Variants in RYK observed in about 807,000 individuals in gnomAD.
RYK encodes receptor like tyrosine kinase.
RYK carries 21 observed loss-of-function variants against 70.2 expected under a neutral mutation model. That is an observed-to-expected ratio of 0.30 (90% confidence interval 0.21 to 0.43). The LOEUF is 0.43. RYK is among the 20% of genes least tolerant of loss of function. The pLI is 1.00. For synonymous variants in RYK, 267 were observed against 278.0 expected (o/e 0.96, Z 0.39); for missense variants, 604 against 753.3 (o/e 0.80, Z 2.32).
chr3:134,201,800 C>T (rs980859014), intron 6 of RYK, among the ~76,000 whole-genome samples: 1 of 152,174 alleles, frequency 6.6e-6, no homozygotes, highest in African/African-American at 2.4e-5. Context: ...ATGGATGATA[C>T]GTCTCCACAT....
chr3:134,161,879 G>A (rs1408760744), intron 13 of RYK, among the ~76,000 whole-genome samples: 3 of 152,146 alleles, frequency 2.0e-5, no homozygotes, highest in East Asian at 1.9e-4. Context: ...TACCACAAAC[G>A]AGTAGTTTAA....
Position 134,250,748 on chromosome 3 carries a change from G to A in RYK, c.-94C>T. The A allele has an allele frequency of 1.7e-6, 1 of 586,450 alleles. No homozygotes were observed. The highest frequency in any genetic ancestry group is 2.1e-6 in the Non-Finnish European group (1 of 466,484). The allele number at this position is 586,450 out of a possible 1,614,324, so 36.3% of individuals were successfully genotyped here. On this transcript the variant is annotated 5_prime_UTR_variant, in exon 1 of 15. Coordinates refer to ENST00000623711, the MANE Select transcript of RYK (RefSeq NM_002958.4). The stretch of plus-strand genomic sequence containing the variant: ...AGCCGCTCACAGCCCCGAGCCGGGG[G>A]CGGCTGCCCAGCTCATCGCACCGCC...
intron 1 of RYK, among the ~76,000 whole-genome samples, chr3:134,232,263 GTTTCC>G (rs2015075176): frequency 6.6e-6 from 1 of 151,972 alleles, no homozygotes; most frequent in South Asian, 2.1e-4. Flanking sequence ...ACCAGTGGAG[GTTTCC>G]ACTTTCACCC....
At chr3:134,203,644 A>C (rs182607557) in intron 5 of RYK, among the ~76,000 whole-genome samples, 1 of 152,216 alleles carries the variant, frequency 6.6e-6, no homozygotes, top group Non-Finnish European at 1.5e-5. Context: ...ATTAAAAAAA[A>C]GAAAGAAAAA....
chr3:134,197,792 T>C (rs577658278), intron 6 of RYK, among the ~76,000 whole-genome samples: 1 of 152,354 alleles, frequency 6.6e-6, no homozygotes, highest in Non-Finnish European at 1.5e-5. Context: ...TCTTAAGTAT[T>C]ATCTGCAACC....
At chr3:134,249,675 T>C (rs1553713468) in intron 1 of RYK, among the ~76,000 whole-genome samples, 1 of 152,110 alleles carries the variant, frequency 6.6e-6, no homozygotes, top group Non-Finnish European at 1.5e-5. Context: ...GACTAAGTTC[T>C]TGTTTCCCTT....
At position 134,158,054 on chromosome 3, in the gene RYK, G is replaced by A. The variant is rs1426402981; in HGVS notation, c.*99C>T. On this transcript the variant is annotated 3_prime_UTR_variant, in exon 15 of 15. Coordinates refer to ENST00000623711, the MANE Select transcript of RYK (RefSeq NM_002958.4). The stretch of plus-strand genomic sequence containing the variant: ...GCACGGTGTTCTGGAAGACAAATGT[G>A]CTTCTGTTGGCGTTGTGTTAGATAC... 5 of 490,274 alleles carry A rather than the reference G, an allele frequency of 1.0e-5. No individual in the cohort carries two copies. Among genetic ancestry groups the A allele is most frequent in the Non-Finnish European group, 1.7e-5 (5 of 296,686 alleles). 30.4% of individuals were successfully genotyped at this position (490,274 alleles called of 1,614,324 possible). A position where few individuals can be genotyped will look rare whatever the true frequency, so the allele number is the denominator to read the frequency against.
At chr3:134,192,001 G>A (rs753441191) in intron 7 of RYK, 27 bp from the exon 8 acceptor site, 15 of 1,610,394 alleles carry the variant, frequency 9.3e-6, no homozygotes, top group Non-Finnish European at 1.3e-5. Flanking sequence ...GCCAAACCAA[G>A]CAATATAAAT....
chr3:134,227,405 GA>G (rs929146349), intron 1 of RYK, among the ~76,000 whole-genome samples: 1 of 151,488 alleles, frequency 6.6e-6, no homozygotes, highest in African/African-American at 2.4e-5. Flanking sequence ...AGATTTTTTT[GA>G]AAAAATAAAT....
Position 134,250,693 on chromosome 3 carries a change from C to G in RYK, c.-39G>C. 1.1e-6 allele frequency: 1 copy of G among 942,228 alleles called. No individual in the cohort carries two copies. The highest frequency in any genetic ancestry group is 1.3e-6 in the Non-Finnish European group (1 of 792,398). The allele number at this position is 942,228 out of a possible 1,614,324, so 58.4% of individuals were successfully genotyped here. A position where few individuals can be genotyped will look rare whatever the true frequency, so the allele number is the denominator to read the frequency against. The stretch of plus-strand genomic sequence containing the variant: ...GCCGCCGAAGAGGAGCGTCGGCCGC[C>G]CGCCGCACCGCCGCCCACCCCCGGC... On this transcript the variant is annotated 5_prime_UTR_variant, in exon 1 of 15. Coordinates refer to ENST00000623711, the MANE Select transcript of RYK (RefSeq NM_002958.4).
intron 6 of RYK, among the ~76,000 whole-genome samples, chr3:134,195,945 CA>C (rs146683719): frequency 0.23 from 32,371 of 142,260 alleles, 4,638 homozygotes; most frequent in Non-Finnish European, 0.34. Context: ...CAGTCCATCT[CA>C]AAAAAAAAAA....
intron 6 of RYK, among the ~76,000 whole-genome samples, chr3:134,197,484 A>C (rs2013852257): frequency 6.6e-6 from 1 of 152,224 alleles, no homozygotes; most frequent in South Asian, 2.1e-4. Flanking sequence ...GCCCTCAAAC[A>C]TATCTTTATA....
intron 2 of RYK, among the ~76,000 whole-genome samples, chr3:134,220,589 T>C (rs181224983): frequency 1.3e-3 from 204 of 152,302 alleles, no homozygotes; most frequent in Admixed American, 4.8e-3. Context: ...AGCAGTAATT[T>C]ACTATTCAGA....
chr3:134,221,110 G>GA (rs1410625372), intron 2 of RYK, among the ~76,000 whole-genome samples: 1 of 148,534 alleles, frequency 6.7e-6, no homozygotes, highest in Non-Finnish European at 1.5e-5. Flanking sequence ...TTTAAAAAGG[G>GA]AAAAAAGGGG....
Position 134,195,098 on chromosome 3 carries a change from A to G in RYK, c.873T>C (p.Asn291=), listed in dbSNP as rs1452376135. Residue 291 remains asparagine (N), a synonymous_variant, in exon 7 of 15, where the codon AAT becomes AAC. Coordinates refer to ENST00000623711, the MANE Select transcript of RYK (RefSeq NM_002958.4). Reference sequence around the variant, plus strand: ...AACTCTTACTGGTGATAGGAGTTGCATTGTTGGGCGTGTCTGCTCTCAGAT... The same window carrying G: ...AACTCTTACTGGTGATAGGAGTTGCGTTGTTGGGCGTGTCTGCTCTCAGAT... ...TQYLRADTPN[N]ATPITSYPTL... 3 of 1,612,606 alleles carry G rather than the reference A, an allele frequency of 1.9e-6. No homozygotes were observed. Among genetic ancestry groups the G allele is most frequent in the Non-Finnish European group, 2.5e-6 (3 of 1,178,802 alleles).
intron 1 of RYK, among the ~76,000 whole-genome samples, chr3:134,249,917 G>GTTTT (rs71624038): frequency 0.01 from 942 of 93,242 alleles, 146 homozygotes; most frequent in African/African-American, 0.032. Context: ...TTTCTCTCTC[G>GTTTT]TTTTTTTTTT....
Position 134,230,824 on chromosome 3 carries a change from G to A in RYK, c.233-8285C>T, listed in dbSNP as rs1000715569. ...TTAAAATCTGTGTATTTCATTATAC[G>A]TAGTTTAACTAATTTTTTTAAAAGA... On this transcript the variant is annotated intron_variant, in intron 1 of 14. Transcript: ENST00000623711. 6.6e-5 allele frequency among the ~76,000 whole-genome samples: 10 copies of A among 152,114 alleles called. 1 individual carries two copies. Among genetic ancestry groups the A allele is most frequent in the South Asian group, 4.1e-4 (2 of 4,828 alleles).
intron 13 of RYK, chr3:134,171,181 A>G (rs986662431): frequency 2.0e-5 from 3 of 152,236 alleles, no homozygotes; most frequent in African/African-American, 7.2e-5. Context: ...TTTAAAATAA[A>G]GCTGCCACAT....
intron 1 of RYK, among the ~76,000 whole-genome samples, chr3:134,234,123 CAATA>C (rs923295883): frequency 2.0e-5 from 3 of 151,902 alleles, no homozygotes; most frequent in African/African-American, 4.8e-5. Context: ...GCTGGAAAAA[CAATA>C]AAAGTGTTCA....
Sources: gnomAD v4.1 joint callset for allele counts (sites outside exome capture counted in the v4.1 genomes callset) on GRCh38, gnomAD v4.1.1 for gene constraint, MANE v1.5 for transcripts, NCBI Gene and HGNC (gene_info 2026-07-23, HGNC 2026-07-21) for gene names.